Variants in AOX1 observed in about 807,000 individuals in gnomAD.
AOX1 encodes aldehyde oxidase.
Under a neutral mutation model 169.5 loss-of-function variants are expected in AOX1, and 153 were observed. That is an observed-to-expected ratio of 0.90 (90% CI 0.79 to 1.03). The LOEUF is 1.03. AOX1 is among the 50% of genes least tolerant of loss of function. The probability of loss-of-function intolerance (pLI) is 0.00; values close to 1 mark genes in which losing one functional copy is unlikely to be tolerated. For synonymous variants in AOX1, 562 were observed against 581.9 expected (o/e 0.97, Z 0.49); for missense variants, 1,656 against 1,663.9 (o/e 1.00, Z 0.08).
Position 200,670,695 on chromosome 2 carries a change from C to A in AOX1, c.*16C>A. The A allele has an allele frequency of 6.2e-7, 1 of 1,606,690 alleles. No individual in the cohort carries two copies. Among genetic ancestry groups the A allele is most frequent in the Non-Finnish European group, 8.5e-7 (1 of 1,174,404 alleles). On this transcript the variant is annotated 3_prime_UTR_variant, in exon 35 of 35. Coordinates refer to ENST00000374700, the MANE Select transcript of AOX1 (RefSeq NM_001159.4). Reference sequence around the variant, plus strand: ...ACCCATCTGAATCAAATGCAAACTTCTGGAGAAAACAGAGTGCCTCTTCCC... The same window carrying A: ...ACCCATCTGAATCAAATGCAAACTTATGGAGAAAACAGAGTGCCTCTTCCC...
chr2:200,636,748 A>G (rs2035241814), intron 21 of AOX1, among the ~76,000 whole-genome samples, 163 bp from the exon 22 acceptor site: 1 of 152,226 alleles, frequency 6.6e-6, no homozygotes, highest in Non-Finnish European at 1.5e-5. Context: ...TATGGGTATC[A>G]TGTGCAACAT....
intron 10 of AOX1, 137 bp from the exon 11 acceptor site, chr2:200,608,847 T>TGCCCATCACCACCATCACC (rs2034569818): frequency 2.7e-6 from 2 of 732,830 alleles, no homozygotes; most frequent in Admixed American, 5.9e-5. Flanking sequence ...CCACCATCAC[T>TGCCCATCACCACCATCACC]GCCCATCACC....
rs534074509 is a variant in AOX1, at chr2:200,608,994, T to C, written c.918T>C (p.Leu306=). The change falls in exon 11 of 35, where the codon CTT becomes CTC. Residue 306 remains leucine, a synonymous_variant. Transcript: ENST00000374700. ...VVNHAYNGLT[L]GAGLSLAQVK... The stretch of plus-strand genomic sequence containing the variant: ...ATGACTTCATTTCAGGACTCACCCT[T>C]GGTGCTGGTCTCAGCCTAGCCCAGG... The C allele has an allele frequency of 1.2e-6, 2 of 1,613,592 alleles. No homozygotes were observed. Among genetic ancestry groups the C allele is most frequent in the African/African-American group, 1.3e-5 (1 of 75,008 alleles).
chr2:200,602,371 A>G, intron 6 of AOX1, 26 bp downstream of exon 6: 1 of 1,606,860 alleles, frequency 6.2e-7, no homozygotes, highest in Non-Finnish European at 8.5e-7. Flanking sequence ...CACATGTTTG[A>G]GTATGTTTTC....
downstream of AOX1, among the ~76,000 whole-genome samples, chr2:200,677,702 T>G (rs190591900): frequency 1.3e-5 from 2 of 152,218 alleles, no homozygotes; most frequent in South Asian, 2.1e-4. Context: ...TGGGCCCACT[T>G]TGCTCCGAGT....
intron 19 of AOX1, among the ~76,000 whole-genome samples, chr2:200,624,879 C>G (rs890641840): frequency 6.6e-6 from 1 of 152,116 alleles, no homozygotes; most frequent in African/African-American, 2.4e-5. Flanking sequence ...GCCGCATGTG[C>G]TCTGGGACAC....
At chr2:200,674,986 C>T (rs914996546), downstream of AOX1, among the ~76,000 whole-genome samples, 2 of 152,206 alleles carry the variant, frequency 1.3e-5, no homozygotes, top group African/African-American at 4.8e-5. Flanking sequence ...GGGCAATTTA[C>T]AGCAAAGTAA....
Position 200,666,714 on chromosome 2 carries a change from G to A in AOX1, c.3571G>A (p.Val1191Ile), listed in dbSNP as rs1350918475. The change falls in exon 32 of 35, where the codon GTT (valine) becomes ATT (isoleucine). Residue 1191 changes from valine (V) to isoleucine (I), a missense_variant. Physicochemically the swap from Val to Ile is conservative, Grantham distance 29. Transcript: ENST00000374700. ...CATCAGAACAGACATTGTCATGGAT[G>A]TTGGCTGCAGTATAAATCCAGCCAT... ...KNIRTDIVMD[V>I]GCSINPAIDI... 1.9e-6 allele frequency: 3 copies of A among 1,610,544 alleles called. No individual in the cohort carries two copies. Among genetic ancestry groups the A allele is most frequent in the South Asian group, 1.1e-5 (1 of 90,204 alleles).
chr2:200,613,881 G>T lies in AOX1; in HGVS notation c.1526G>T (p.Gly509Val). The T allele has an allele frequency of 6.2e-7, 1 of 1,612,722 alleles. No individual in the cohort carries two copies. Reference sequence around the variant, plus strand: ...GTCTCCCTTTTGGGCTCGGCGCCAGGTGGGAAAGTGGAGTTCAAGAGGACT... The same window carrying T: ...GTCTCCCTTTTGGGCTCGGCGCCAGTTGGGAAAGTGGAGTTCAAGAGGACT... ...NEVSLLGSAP[G>V]GKVEFKRTLI... Residue 509 changes from glycine to valine, a missense_variant, in exon 15 of 35, where the codon GGT becomes GTT. Transcript: ENST00000374700.
In AOX1 at chr2:200,616,033, C is replaced by G; in HGVS notation, c.1674C>G (p.Ser558=). ...KYESALEDLH[S]KHHCSTLKYQ... ...AAAGTGCTTTAGAAGATCTTCATTC[C>G]AAACATCACTGCAGTACATTAAAGT... is the stretch of plus-strand genomic sequence containing the variant. Residue 558 remains serine, a synonymous_variant, in exon 16 of 35, where the codon TCC becomes TCG. Coordinates refer to ENST00000374700, the MANE Select transcript of AOX1 (RefSeq NM_001159.4). 6.2e-7 allele frequency: 1 copy of G among 1,613,664 alleles called. No homozygotes were observed. Among genetic ancestry groups the G allele is most frequent in the Non-Finnish European group, 8.5e-7 (1 of 1,179,628 alleles).
At chr2:200,612,225 T>C (rs1467744437) in intron 13 of AOX1, among the ~76,000 whole-genome samples, 3 of 152,074 alleles carry the variant, frequency 2.0e-5, no homozygotes, top group African/African-American at 7.2e-5. Flanking sequence ...TGAATCCTGG[T>C]TTCAAGGCCT....
In AOX1 at chr2:200,586,053, ACTTCCCAGAAC is replaced by A. The variant is rs1361613399; in HGVS notation, c.-53_-43del. 6.5e-7 allele frequency: 1 copy of A among 1,543,838 alleles called. No individual in the cohort carries two copies. Among genetic ancestry groups the A allele is most frequent in the Non-Finnish European group, 8.7e-7 (1 of 1,145,074 alleles). ...TGCCGCCGGGTCCCAGGTGCCCGCT[ACTTCCCAGAAC>A]CTCCGCCTCCCGCTCCGGGCCCTCG... On this transcript the variant is annotated 5_prime_UTR_variant, in exon 1 of 35. Transcript: ENST00000374700.
intron 6 of AOX1, 113 bp from the exon 7 acceptor site, chr2:200,603,154 T>A: frequency 1.2e-6 from 1 of 812,230 alleles, no homozygotes; most frequent in South Asian, 1.7e-5. Flanking sequence ...CTCTCTTTCA[T>A]GGCATCTAAC....
chr2:200,642,583 A>G, intron 24 of AOX1, 27 bp from the exon 25 acceptor site: 1 of 1,607,150 alleles, frequency 6.2e-7, no homozygotes, highest in East Asian at 2.2e-5. Flanking sequence ...AGAAGATCTT[A>G]ATCACATCAA....
At chr2:200,668,919 T>G (rs1308193596) in intron 33 of AOX1, 116 bp downstream of exon 33, 1 of 850,100 alleles carries the variant, frequency 1.2e-6, no homozygotes, top group East Asian at 2.8e-5. Context: ...AGAAGAAAAA[T>G]TCTTATTAAA....
intron 2 of AOX1, among the ~76,000 whole-genome samples, chr2:200,594,574 C>T (rs1354329973): frequency 6.6e-6 from 1 of 152,160 alleles, no homozygotes; most frequent in East Asian, 1.9e-4. Context: ...TGAATTCCAG[C>T]AAATAGGAAG....
chr2:200,673,911 T>G (rs533066398), downstream of AOX1, among the ~76,000 whole-genome samples: 68 of 152,344 alleles, frequency 4.5e-4, 1 homozygote, highest in South Asian at 0.012. Context: ...TTACCCCTCC[T>G]TGGGTCTGAC....
At chr2:200,636,543 A>C (rs2035236817) in intron 21 of AOX1, among the ~76,000 whole-genome samples, 1 of 152,172 alleles carries the variant, frequency 6.6e-6, no homozygotes, top group African/African-American at 2.4e-5. Flanking sequence ...CCTAGGGATT[A>C]GTGTGAATAG....
intron 16 of AOX1, 24 bp downstream of exon 16, chr2:200,616,087 A>G: frequency 6.5e-7 from 1 of 1,545,174 alleles, no homozygotes; most frequent in Non-Finnish European, 8.9e-7. Context: ...CTTGTTTTTA[A>G]AAATTCACAA....
Sources: allele counts gnomAD v4.1 joint callset (sites outside exome capture counted in the v4.1 genomes callset), GRCh38; gene constraint gnomAD v4.1.1; transcripts MANE v1.5; gene names NCBI Gene and HGNC (gene_info 2026-07-23, HGNC 2026-07-21).